Variants in NGLY1 observed in about 807,000 individuals in gnomAD.
The protein encoded by NGLY1 is N-glycanase 1.
A neutral mutation model predicts 84.6 loss-of-function variants in NGLY1; 68 were observed. The ratio of observed to expected loss-of-function variants is 0.80; its 90% confidence interval spans 0.66 to 0.98. NGLY1 has a LOEUF of 0.98. NGLY1 is among the 50% of genes least tolerant of loss of function. NGLY1 has a pLI of 0.00. For synonymous variants in NGLY1, 280 were observed against 275.2 expected (o/e 1.02, Z -0.17); for missense variants, 779 against 770.2 (o/e 1.01, Z -0.14).
rs900438545 is a variant in NGLY1 at position 25,719,333 on chromosome 3, T to C, written c.*127A>G. 4 of 648,322 alleles carry C rather than the reference T, an allele frequency of 6.2e-6. No homozygotes were observed. The highest frequency in any genetic ancestry group is 1.0e-5 in the Non-Finnish European group (4 of 381,114). The allele number at this position is 648,322 out of a possible 1,614,324, so 40.2% of individuals were successfully genotyped here. A position where few individuals can be genotyped will look rare whatever the true frequency, so the allele number is the denominator to read the frequency against. ...AAAGATAATTTTCATGAGGGTTACA[T>C]GATGGATAGCTAGCAAAAGAAATAT... On this transcript the variant is annotated 3_prime_UTR_variant, in exon 12 of 12. Coordinates refer to ENST00000280700, the MANE Select transcript of NGLY1 (RefSeq NM_018297.4).
At chr3:25,721,681 G>A (rs1420858410) in intron 10 of NGLY1, among the ~76,000 whole-genome samples, 3 of 148,080 alleles carry the variant, frequency 2.0e-5, no homozygotes, top group Admixed American at 6.7e-5. Flanking sequence ...CCCGGGGGGC[G>A]GAGCTTGCAG....
chr3:25,754,905 A>G (rs1006552544), intron 3 of NGLY1: 8 of 696,516 alleles, frequency 1.1e-5, no homozygotes, highest in Non-Finnish European at 1.6e-5. Flanking sequence ...CTCTCTCCGG[A>G]TAACGAGTGG....
chr3:25,743,094 T>C, intron 4 of NGLY1, among the ~76,000 whole-genome samples: 1 of 151,980 alleles, frequency 6.6e-6, no homozygotes. Context: ...GACCAGACTG[T>C]TGCAGCCACA....
chr3:25,730,391 G>T (rs535625675), intron 9 of NGLY1: 10 of 151,948 alleles, frequency 6.6e-5, no homozygotes, highest in African/African-American at 1.9e-4. Context: ...CAGCAATTAA[G>T]AAACTTAAAA....
intron 2 of NGLY1, among the ~76,000 whole-genome samples, chr3:25,765,973 C>T (rs896733523): frequency 2.0e-5 from 3 of 151,934 alleles, no homozygotes; most frequent in Non-Finnish European, 4.4e-5. Flanking sequence ...TCAAATGATC[C>T]TCCCACCTCA....
intron 2 of NGLY1, among the ~76,000 whole-genome samples, chr3:25,768,235 C>T (rs1442759505): frequency 6.6e-6 from 1 of 150,672 alleles, no homozygotes. Context: ...CCAGCCTGGC[C>T]AACATGGTGA....
intron 2 of NGLY1, among the ~76,000 whole-genome samples, chr3:25,773,518 T>C (rs1200814558): frequency 1.3e-5 from 2 of 152,188 alleles, no homozygotes; most frequent in African/African-American, 4.8e-5. Context: ...GGAGATTTTT[T>C]TTCATCCATA....
chr3:25,773,492 T>C (rs1328271838), intron 2 of NGLY1, among the ~76,000 whole-genome samples: 11 of 152,174 alleles, frequency 7.2e-5, no homozygotes, highest in Admixed American at 5.9e-4. Context: ...TTTTTATTTA[T>C]ACTATTTATT....
chr3:25,739,670 G>T lies in NGLY1; in HGVS notation c.788C>A (p.Ser263Ter), dbSNP rs754806231. 1 of 1,613,976 alleles carries T rather than the reference G, an allele frequency of 6.2e-7. No homozygotes were observed. Among genetic ancestry groups the T allele is most frequent in the African/African-American group, 1.3e-5 (1 of 74,914 alleles). Residue 263 changes from serine to a stop codon, truncating the protein, a stop_gained, in exon 5 of 12, where the codon TCA (serine) becomes TAA (stop). Coordinates refer to ENST00000280700, the MANE Select transcript of NGLY1 (RefSeq NM_018297.4). LOFTEE classifies it high-confidence loss of function. ...CAGCTCATCATCACTGGGCAGTAATGATCTATCTCTAGACCTAGTCTGTCC... is the reference window on the plus strand; with the variant it reads ...CAGCTCATCATCACTGGGCAGTAATTATCTATCTCTAGACCTAGTCTGTCC... Reference protein sequence around the residue: ...CGGQTRSRDRSLLPSDDELKW... With the variant: ...CGGQTRSRDR
At chr3:25,755,376 G>GT (rs1706986922) in intron 3 of NGLY1, 2 of 1,354,138 alleles carry the variant, frequency 1.5e-6, no homozygotes, top group Admixed American at 3.4e-5. Flanking sequence ...GGTGCTGTTA[G>GT]TAGCAAACCT....
upstream of NGLY1, among the ~76,000 whole-genome samples, chr3:25,785,384 G>A (rs964895797): frequency 2.6e-5 from 4 of 152,078 alleles, no homozygotes; most frequent in Non-Finnish European, 5.9e-5. Flanking sequence ...GCTTGGGTCT[G>A]GAGATATAGC....
intron 1 of NGLY1, among the ~76,000 whole-genome samples, chr3:25,781,307 A>ATCT (rs1348259960): frequency 6.6e-6 from 1 of 152,106 alleles, no homozygotes; most frequent in Admixed American, 6.5e-5. Flanking sequence ...TTTCTCAGTA[A>ATCT]AAGTATACTG....
chr3:25,729,038 T>A, intron 10 of NGLY1, 95 bp downstream of exon 10: 1 of 806,398 alleles, frequency 1.2e-6, no homozygotes, highest in Non-Finnish European at 1.8e-6. Flanking sequence ...GTTTGATATA[T>A]CAGTTTTCAT....
intron 4 of NGLY1, among the ~76,000 whole-genome samples, chr3:25,744,258 T>G (rs1318513670): frequency 1.3e-5 from 2 of 152,218 alleles, no homozygotes; most frequent in Non-Finnish European, 2.9e-5. Flanking sequence ...TATATTTTGT[T>G]ACCACTTTTC....
intron 10 of NGLY1, among the ~76,000 whole-genome samples, chr3:25,721,748 CAAAAAAAAA>C (rs59028606): frequency 3.2e-4 from 16 of 50,700 alleles, no homozygotes; most frequent in Admixed American, 1.7e-3. Flanking sequence ...GACTCCATCT[CAAAAAAAAA>C]AAAAAAAAAA....
At position 25,758,287 on chromosome 3, in the gene NGLY1, A is replaced by T. The variant is rs1042123207; in HGVS notation, c.492+5779T>A. Among the ~76,000 whole-genome samples the T allele has an allele frequency of 2.6e-5, 4 of 152,174 alleles. No individual in the cohort carries two copies. The East Asian group carries it at 7.7e-4, about 29-fold the overall frequency. ...TCATTAGGTAATATAGTATTAATAAATTTTTTGGTGGAGCATGGTGGCTTA... is the reference window on the plus strand; with the variant it reads ...TCATTAGGTAATATAGTATTAATAATTTTTTTGGTGGAGCATGGTGGCTTA... On this transcript the variant is annotated intron_variant, in intron 3 of 11. Transcript: ENST00000280700.
At chr3:25,741,979 C>A (rs530006152) in intron 4 of NGLY1, among the ~76,000 whole-genome samples, 2 of 151,968 alleles carry the variant, frequency 1.3e-5, no homozygotes, top group Non-Finnish European at 2.9e-5. Flanking sequence ...CCAATCTGGG[C>A]GACAACAGCA....
chr3:25,788,897 C>G (rs534467653), intron 1 of NGLY1, among the ~76,000 whole-genome samples: 3 of 152,242 alleles, frequency 2.0e-5, no homozygotes, highest in East Asian at 3.9e-4. Flanking sequence ...AAATCCAGGA[C>G]CAACCTGGAA....
intron 2 of NGLY1, among the ~76,000 whole-genome samples, chr3:25,768,561 C>CT (rs752193155): frequency 0.05 from 5,808 of 116,238 alleles, 190 homozygotes; most frequent in South Asian, 0.16. Context: ...ATAAGTAAGA[C>CT]TTTTTTTTTT....
Sources: allele counts gnomAD v4.1 joint callset (sites outside exome capture counted in the v4.1 genomes callset), GRCh38; gene constraint gnomAD v4.1.1; transcripts MANE v1.5; gene names NCBI Gene and HGNC (gene_info 2026-07-23, HGNC 2026-07-21).